The following STARD9 variants were observed in gnomAD, a reference collection of about 807,000 sequenced individuals.
STARD9 encodes StAR related lipid transfer domain containing 9.
A neutral mutation model predicts 399.8 loss-of-function variants in STARD9; 346 were observed. The observed-to-expected ratio is 0.87, with a 90% CI of 0.79 to 0.95. The LOEUF (loss-of-function observed/expected upper bound fraction) is 0.95. STARD9 is among the 40% of genes least tolerant of loss of function. The pLI, the probability that STARD9 is intolerant of heterozygous loss-of-function variation, is 0.00. For synonymous variants in STARD9, 2,203 were observed against 2,143.5 expected (o/e 1.03, Z -0.77); for missense variants, 5,832 against 5,667.5 (o/e 1.03, Z -0.93).
In STARD9 at chr15:42,719,603, G is replaced by A. The variant is rs1321703745; in HGVS notation, c.*29G>A. ...CTCACCGTCAAGATGGTGCTGCTGA[G>A]ATGCAGGCCCAGGCTGCTCAAGAGA... On this transcript the variant is annotated 3_prime_UTR_variant, in exon 33 of 33. Coordinates refer to ENST00000290607, the MANE Select transcript of STARD9 (RefSeq NM_020759.3). 2 of 1,391,698 alleles carry A rather than the reference G, an allele frequency of 1.4e-6. No individual in the cohort carries two copies. Among genetic ancestry groups the A allele is most frequent in the Non-Finnish European group, 2.0e-6 (2 of 1,014,612 alleles). 86.2% of individuals were successfully genotyped at this position (1,391,698 alleles called of 1,614,324 possible).
intron 3 of STARD9, among the ~76,000 whole-genome samples, chr15:42,623,042 G>C (rs138114691): frequency 1.5e-4 from 23 of 152,118 alleles, no homozygotes; most frequent in Non-Finnish European, 1.8e-4. Context: ...ACCTGAGGTC[G>C]GGAGTTTGAA....
intron 7 of STARD9, among the ~76,000 whole-genome samples, chr15:42,643,854 A>G (rs1356227774): frequency 6.6e-6 from 1 of 152,164 alleles, no homozygotes; most frequent in East Asian, 1.9e-4. Flanking sequence ...ATCATCAATC[A>G]GTTTAAAGTA....
chr15:42,588,208 ATGTGTG>A (rs71947615), intron 3 of STARD9, among the ~76,000 whole-genome samples: 5 of 150,266 alleles, frequency 3.3e-5, no homozygotes, highest in African/African-American at 9.8e-5. Context: ...TTAAAATTTT[ATGTGTG>A]TGTGTGTGTG....
intron 26 of STARD9, among the ~76,000 whole-genome samples, chr15:42,698,840 A>T (rs1595800796): frequency 6.6e-6 from 1 of 152,098 alleles, no homozygotes; most frequent in East Asian, 1.9e-4. Context: ...TTCTTTCCAG[A>T]TGGCTATCTA....
At chr15:42,581,503 G>T in intron 1 of STARD9, 1 of 1,474,586 alleles carries the variant, frequency 6.8e-7, no homozygotes, top group Non-Finnish European at 9.3e-7. Flanking sequence ...GTGGACGCGG[G>T]CTCTGGGCTT....
In STARD9 at chr15:42,687,612, C is replaced by T. The variant is rs2060593127; in HGVS notation, c.6034C>T (p.Pro2012Ser). ...AYERFQLVAC[P>S]QERNPSECKS... ...TGAAAGGTTCCAGTTAGTTGCATGC[C>T]CTCAGGAAAGAAACCCCAGTGAATG... is the stretch of plus-strand genomic sequence containing the variant. Residue 2012 changes from proline to serine, a missense_variant, in exon 23 of 33, where the codon CCT (proline) becomes TCT (serine). Around this residue, in one of 2 missense-constraint regions of STARD9, gnomAD observed 5,828 missense variants for 5,651.1 expected, o/e 1.03. Coordinates refer to ENST00000290607, the MANE Select transcript of STARD9 (RefSeq NM_020759.3). 3.3e-6 allele frequency: 5 copies of T among 1,536,988 alleles called. No individual in the cohort carries two copies. The highest frequency in any genetic ancestry group is 3.5e-6 in the Non-Finnish European group (4 of 1,146,896).
chr15:42,578,796 A>G (rs1050662295), intron 1 of STARD9, among the ~76,000 whole-genome samples: 1 of 152,258 alleles, frequency 6.6e-6, no homozygotes, highest in Admixed American at 6.5e-5. Context: ...CCTGAGAGAC[A>G]TCAATCATCA....
chr15:42,665,157 G>C, intron 13 of STARD9, 96 bp from the exon 14 acceptor site: 1 of 927,960 alleles, frequency 1.1e-6, no homozygotes, highest in Non-Finnish European at 1.7e-6. Flanking sequence ...TACTCCAAAG[G>C]AGTAATCTAC....
rs1466561062 is a variant in STARD9, at chr15:42,693,207, C to T, written c.11629C>T (p.Pro3877Ser). Residue 3877 changes from proline (P) to serine (S), a missense_variant, in exon 23 of 33, where the codon CCT becomes TCT. This residue lies in a region of STARD9 where 5,828 missense variants were observed against 5,651.1 expected (regional missense o/e 1.03). Transcript: ENST00000290607. ...PGLFPSTSEY[P>S]GDSRVQKKLG... ...GCTCTTTCCCAGTACTTCCGAGTAT[C>T]CTGGGGACTCCAGGGTCCAGAAGAA... The T allele has an allele frequency of 6.5e-7, 1 of 1,536,972 alleles. No homozygotes were observed. Among genetic ancestry groups the T allele is most frequent in the Non-Finnish European group, 8.7e-7 (1 of 1,146,888 alleles).
At chr15:42,588,530 A>G (rs547930409) in intron 3 of STARD9, among the ~76,000 whole-genome samples, 1 of 152,108 alleles carries the variant, frequency 6.6e-6, no homozygotes, top group South Asian at 2.1e-4. Context: ...TAGGAAAGAG[A>G]AGGAAGGGAA....
chr15:42,594,933 C>T (rs1025003357), intron 3 of STARD9, among the ~76,000 whole-genome samples: 2 of 152,178 alleles, frequency 1.3e-5, no homozygotes, highest in Non-Finnish European at 2.9e-5. Context: ...TGATTAGATA[C>T]TGCTGCCATA....
intron 1 of STARD9, 98 bp downstream of exon 1, chr15:42,575,860 C>A: frequency 7.3e-7 from 1 of 1,367,178 alleles, no homozygotes; most frequent in South Asian, 1.2e-5. Flanking sequence ...GCGCAGAAAT[C>A]GGTGACAAAG....
rs1424628227 is a variant in STARD9 at position 42,720,108 on chromosome 15, G to C, written c.*534G>C. On this transcript the variant is annotated 3_prime_UTR_variant, in exon 33 of 33. Coordinates refer to ENST00000290607, the MANE Select transcript of STARD9 (RefSeq NM_020759.3). ...CTGCACAAACCAGAACACCGATTCA[G>C]AATCTTTTCTCCCTCTTGAGTTTTT... is the stretch of plus-strand genomic sequence containing the variant. 6.6e-6 allele frequency: 1 copy of C among 152,514 alleles called. No individual in the cohort carries two copies. Among genetic ancestry groups the C allele is most frequent in the African/African-American group, 2.4e-5 (1 of 41,476 alleles). 9.4% of individuals were successfully genotyped at this position (152,514 alleles called of 1,614,324 possible).
At chr15:42,602,596 C>T (rs747293845) in intron 3 of STARD9, among the ~76,000 whole-genome samples, 3 of 152,204 alleles carry the variant, frequency 2.0e-5, no homozygotes, top group Non-Finnish European at 4.4e-5. Flanking sequence ...ACTGCATGCT[C>T]ACCTCATGTA....
chr15:42,596,531 GACAGGCATGC>G (rs1219977319), intron 3 of STARD9, among the ~76,000 whole-genome samples: 2 of 152,194 alleles, frequency 1.3e-5, no homozygotes, highest in Non-Finnish European at 2.9e-5. Context: ...CACCACAGTA[GACAGGCATGC>G]ACAGGCAGAC....
chr15:42,651,983 G>A (rs1566905193), intron 8 of STARD9, among the ~76,000 whole-genome samples: 1 of 152,120 alleles, frequency 6.6e-6, no homozygotes, highest in Admixed American at 6.5e-5. Context: ...TGTGAATTCC[G>A]CCTGGCTTAA....
At chr15:42,598,000 ATGTGTGTG>A (rs572054615) in intron 3 of STARD9, among the ~76,000 whole-genome samples, 37 of 115,180 alleles carry the variant, frequency 3.2e-4, no homozygotes, top group African/African-American at 4.1e-4. Flanking sequence ...GTATATATAT[ATGTGTGTG>A]TGTGTGTGTG....
chr15:42,686,135 C>G lies in STARD9; in HGVS notation c.4557C>G (p.Ser1519=), dbSNP rs1332676502. 1 of 1,537,244 alleles carries G rather than the reference C, an allele frequency of 6.5e-7. No individual in the cohort carries two copies. Among genetic ancestry groups the G allele is most frequent in the East Asian group, 2.4e-5 (1 of 40,918 alleles). ...CCTACCTTGAGGAAGACTCTGGTTC[C>G]CTGGCCCAAGCTTCTAGCAAAGGAG... ...AYPYLEEDSG[S]LAQASSKGGD... is the part of the protein sequence containing the mutation. Residue 1519 remains serine (S), a synonymous_variant, in exon 23 of 33, where the codon TCC becomes TCG. Coordinates refer to ENST00000290607, the MANE Select transcript of STARD9 (RefSeq NM_020759.3).
intron 19 of STARD9, 22 bp from the exon 20 acceptor site, chr15:42,675,850 T>C (rs2060299914): frequency 6.5e-7 from 1 of 1,536,830 alleles, no homozygotes; most frequent in African/African-American, 1.4e-5. Context: ...GCAGCCTCAC[T>C]GTGCTTTCTT....
Sources: allele counts gnomAD v4.1 joint callset (sites outside exome capture counted in the v4.1 genomes callset), GRCh38; gene constraint gnomAD v4.1.1; regional missense constraint gnomAD v4.1.1; transcripts MANE v1.5; gene names NCBI Gene and HGNC (gene_info 2026-07-23, HGNC 2026-07-21).